Variants in FGF14 observed in about 807,000 individuals in gnomAD.
FGF14 encodes the protein fibroblast growth factor homologous factor 4.
In FGF14, 5 loss-of-function variants were observed where a neutral mutation model predicts 25.5. The observed-to-expected ratio is 0.20, with a 90% CI of 0.10 to 0.41. FGF14 has a LOEUF of 0.41. Ranked by LOEUF, FGF14 falls within the 10% of genes least tolerant of loss-of-function variation. The pLI is 1.00. For synonymous variants in FGF14, 138 were observed against 118.3 expected, an observed-to-expected ratio of 1.17 and a Z score of -1.08; for missense variants, 222 against 320.1, an observed-to-expected ratio of 0.69 and a Z score of 2.34.
At chr13:101,905,129 C>G (rs1272507293) in intron 1 of FGF14, among the ~76,000 whole-genome samples, 1 of 152,122 alleles carries the variant, frequency 6.6e-6, no homozygotes, top group African/African-American at 2.4e-5. Flanking sequence ...GGAGTGGAGG[C>G]AGATCTGGAG....
intron 1 of FGF14, among the ~76,000 whole-genome samples, chr13:102,308,289 G>A (rs1420792302): frequency 3.9e-5 from 6 of 152,138 alleles, no homozygotes; most frequent in South Asian, 2.1e-4. Context: ...TTTCAATCAC[G>A]TTCCCACTTT....
intron 1 of FGF14, among the ~76,000 whole-genome samples, chr13:101,931,425 CT>C (rs2034742225): frequency 6.6e-6 from 1 of 152,150 alleles, no homozygotes; most frequent in African/African-American, 2.4e-5. Flanking sequence ...TTTTGATGCT[CT>C]CTTTAGTCAC....
chr13:102,383,751 C>T (rs1015106062), intron 1 of FGF14, among the ~76,000 whole-genome samples: 9 of 151,894 alleles, frequency 5.9e-5, no homozygotes, highest in African/African-American at 1.9e-4. Context: ...TCCAACTTTC[C>T]AGTGCCCTCT....
intron 3 of FGF14, among the ~76,000 whole-genome samples, chr13:101,825,998 T>A (rs921988309): frequency 1.3e-5 from 2 of 152,188 alleles, no homozygotes; most frequent in Non-Finnish European, 2.9e-5. Context: ...GCAATGTTTT[T>A]ATCATATATT....
intron 1 of FGF14, among the ~76,000 whole-genome samples, chr13:102,124,213 G>C (rs2045854712): frequency 6.6e-6 from 1 of 152,138 alleles, no homozygotes; most frequent in African/African-American, 2.4e-5. Flanking sequence ...TGTCCCACTT[G>C]AAAGTATTAA....
intron 1 of FGF14, among the ~76,000 whole-genome samples, chr13:102,235,357 A>G (rs916065446): frequency 2.6e-5 from 4 of 152,224 alleles, no homozygotes; most frequent in Non-Finnish European, 5.9e-5. Flanking sequence ...AGCTGTCAAT[A>G]TAACCAAATA....
rs140746528 is a variant in FGF14 at position 102,162,938 on chromosome 13, G to T, written c.208+238533C>A. ...CATTTGTATGTAGGTTAGTAGCACC[G>T]ACACTAAGGGAGAAAATGAATGATG... On this transcript the variant is annotated intron_variant, in intron 1 of 4. Coordinates refer to the FGF14 transcript ENST00000376131. 3.3e-5 allele frequency among the ~76,000 whole-genome samples: 5 copies of T among 152,246 alleles called. No homozygotes were observed. The East Asian group carries it at 9.6e-4, about 29-fold the overall frequency.
At chr13:101,982,689 C>T (rs1423247150) in intron 1 of FGF14, among the ~76,000 whole-genome samples, 1 of 152,184 alleles carries the variant, frequency 6.6e-6, no homozygotes, top group Non-Finnish European at 1.5e-5. Context: ...ACAAAAGGCC[C>T]TATCCTCGTT....
intron 3 of FGF14, among the ~76,000 whole-genome samples, chr13:101,732,494 G>A (rs1437417028): frequency 6.6e-6 from 1 of 152,060 alleles, no homozygotes; most frequent in Non-Finnish European, 1.5e-5. Context: ...AGTCATCCAC[G>A]AATTCAGTCC....
intron 1 of FGF14, among the ~76,000 whole-genome samples, chr13:102,395,943 T>TA (rs897101451): frequency 9.9e-5 from 15 of 151,930 alleles, no homozygotes; most frequent in Non-Finnish European, 1.6e-4. Context: ...CTGACCAAAG[T>TA]AAAAAAAATA....
intron 1 of FGF14, among the ~76,000 whole-genome samples, chr13:102,123,325 G>T (rs9513984): frequency 0.05 from 7,662 of 152,190 alleles, 258 homozygotes; most frequent in Admixed American, 0.084. Flanking sequence ...AAAGATGGTA[G>T]AAAGAAGAAT....
intron 1 of FGF14, among the ~76,000 whole-genome samples, chr13:102,170,242 A>G (rs1467051273): frequency 1.3e-5 from 2 of 152,074 alleles, no homozygotes; most frequent in South Asian, 2.1e-4. Flanking sequence ...TTTCTGTTTC[A>G]ATAGATCCTA....
chr13:101,793,977 A>C (rs2040380298), intron 3 of FGF14, among the ~76,000 whole-genome samples: 1 of 152,054 alleles, frequency 6.6e-6, no homozygotes, highest in African/African-American at 2.4e-5. Context: ...AAATACCTTC[A>C]GGGAGAATTG....
chr13:101,787,121 G>GA (rs1262583726), intron 3 of FGF14, among the ~76,000 whole-genome samples: 1 of 151,864 alleles, frequency 6.6e-6, no homozygotes, highest in Non-Finnish European at 1.5e-5. Flanking sequence ...TAAGCAATGT[G>GA]AAAAAAACAC....
chr13:102,401,942 T>C (rs1216217070), upstream of FGF14, among the ~76,000 whole-genome samples: 1 of 150,590 alleles, frequency 6.6e-6, no homozygotes, highest in Non-Finnish European at 1.5e-5. Flanking sequence ...GAGAAAACCA[T>C]AGCCTTTTTA....
chr13:101,791,528 T>A (rs1470951034), intron 3 of FGF14, among the ~76,000 whole-genome samples: 1 of 152,166 alleles, frequency 6.6e-6, no homozygotes, highest in Non-Finnish European at 1.5e-5. Context: ...TAGTAAAGGC[T>A]TCTTGCTAAT....
rs567041840 is a variant in FGF14 at position 101,899,910 on chromosome 13, T to C, written c.193+16543A>G. 2.6e-5 allele frequency among the ~76,000 whole-genome samples: 4 copies of C among 152,258 alleles called. No individual in the cohort carries two copies. The South Asian group carries it at 6.2e-4, about 24-fold the overall frequency. ...TGAACTACAAAATCAGTAGACTTAA[T>C]GTAATTGTCATACAGAGAATATTGC... On this transcript the variant is annotated intron_variant, in intron 1 of 4. Transcript: ENST00000376143.
chr13:101,773,861 C>T (rs1297487424), intron 3 of FGF14, among the ~76,000 whole-genome samples: 1 of 146,856 alleles, frequency 6.8e-6, no homozygotes, highest in African/African-American at 2.5e-5. Flanking sequence ...GTATTCCTCC[C>T]ATACTAGATC....
At chr13:102,215,996 G>A (rs2050354730) in intron 1 of FGF14, among the ~76,000 whole-genome samples, 1 of 152,162 alleles carries the variant, frequency 6.6e-6, no homozygotes, top group Admixed American at 6.5e-5. Context: ...TGGATCCACA[G>A]GAGAAGATGT....
Sources: allele counts gnomAD v4.1 joint callset (sites outside exome capture counted in the v4.1 genomes callset), GRCh38; gene constraint gnomAD v4.1.1; transcripts MANE v1.5; gene names NCBI Gene and HGNC (gene_info 2026-07-23, HGNC 2026-07-21).